The following CFAP61 variants were observed in gnomAD, a reference collection of about 807,000 sequenced individuals.
CFAP61 encodes the protein cilia and flagella associated protein 61, also known as cilia- and flagella-associated protein 61.
In CFAP61, 107 loss-of-function variants were observed where a neutral mutation model predicts 135.6. That is an observed-to-expected ratio of 0.79 (90% CI 0.67 to 0.93). The LOEUF is 0.93. Ranked by LOEUF, CFAP61 falls within the 40% of genes least tolerant of loss-of-function variation. The pLI is 0.00. For missense variants in CFAP61, 1,507 were observed against 1,556.2 expected (o/e 0.97, Z 0.53); for synonymous variants, 575 against 578.5 (o/e 0.99, Z 0.09).
intron 6 of CFAP61, among the ~76,000 whole-genome samples, chr20:20,084,431 GCTGCTGCTGT>G (rs2046652869): frequency 9.3e-6 from 1 of 107,756 alleles, no homozygotes. Flanking sequence ...TGCTGCTGCT[GCTGCTGCTGT>G]CACTCCAGTC....
In CFAP61 at chr20:20,070,882, T is replaced by C. The variant is rs1243230808; in HGVS notation, c.172T>C (p.Cys58Arg). 1.9e-6 allele frequency: 3 copies of C among 1,613,808 alleles called. No individual in the cohort carries two copies. Among genetic ancestry groups the C allele is most frequent in the Non-Finnish European group, 2.5e-6 (3 of 1,179,910 alleles). Residue 58 changes from cysteine (C) to arginine (R), a missense_variant, in exon 3 of 27, where the codon TGC becomes CGC. Transcript: ENST00000245957. ...AAAGGCCAACCTTGCTGTTACCCTC[T>C]GCAATGACAAGGAGGAGATCATGGC... Reference protein sequence around the residue: ...LEKANLAVTLCNDKEEIMAQA... With the variant: ...LEKANLAVTLRNDKEEIMAQA...
intron 8 of CFAP61, among the ~76,000 whole-genome samples, chr20:20,123,971 G>GTTTTTTT (rs35528584): frequency 4.1e-4 from 27 of 65,258 alleles, no homozygotes; most frequent in Non-Finnish European, 5.1e-4. Context: ...ATATTCCTAA[G>GTTTTTTT]TTTTTTTTTT....
rs563106266 is a variant in CFAP61, at chr20:20,351,535, T to A, written c.3514-8675T>A. 4.7e-5 allele frequency among the ~76,000 whole-genome samples: 7 copies of A among 149,260 alleles called. No homozygotes were observed. The South Asian group carries it at 1.5e-3, about 32-fold the overall frequency. On this transcript the variant is annotated intron_variant, in intron 26 of 26. Transcript: ENST00000245957. The stretch of plus-strand genomic sequence containing the variant: ...AGGCGGAGATTGCAGTGAGCCGAGA[T>A]CATGCCACTGTACTCCAGTCTGAGC...
chr20:20,348,783 T>C (rs2058728983), intron 26 of CFAP61, among the ~76,000 whole-genome samples: 1 of 141,210 alleles, frequency 7.1e-6, no homozygotes, highest in African/African-American at 2.6e-5. Context: ...AATACATTCT[T>C]ATGGTAAAAA....
At chr20:20,091,318 G>T (rs1309744763) in intron 7 of CFAP61, among the ~76,000 whole-genome samples, 2 of 152,156 alleles carry the variant, frequency 1.3e-5, no homozygotes, top group East Asian at 3.9e-4. Context: ...GCGTTCTGCT[G>T]GCAGATGGAT....
intron 14 of CFAP61, among the ~76,000 whole-genome samples, chr20:20,190,078 C>T (rs2055813988): frequency 6.6e-6 from 1 of 152,246 alleles, no homozygotes; most frequent in African/African-American, 2.4e-5. Flanking sequence ...AGCCACCGTG[C>T]CCAGCATTGA....
chr20:20,355,904 G>C (rs2059113330), intron 26 of CFAP61, among the ~76,000 whole-genome samples: 1 of 146,734 alleles, frequency 6.8e-6, no homozygotes, highest in African/African-American at 2.6e-5. Context: ...TGTGAGGGGA[G>C]GTGGTCACAC....
At position 20,097,682 on chromosome 20, in the gene CFAP61, A is replaced by G. The variant is rs184658791; in HGVS notation, c.700-973A>G. Among the ~76,000 whole-genome samples, 25 of 152,324 alleles carry G rather than the reference A, an allele frequency of 1.6e-4. No individual in the cohort carries two copies. The East Asian group carries it at 4.6e-3, about 28-fold the overall frequency. ...TCATGGGGACGACTGCAAGAGCTTC[A>G]GAACCAGGCATTTCAGGGTGATGGG... On this transcript the variant is annotated intron_variant, in intron 7 of 26. Transcript: ENST00000245957.
intron 8 of CFAP61, among the ~76,000 whole-genome samples, chr20:20,106,719 A>G (rs368257684): frequency 6.6e-6 from 1 of 152,322 alleles, no homozygotes; most frequent in East Asian, 1.9e-4. Context: ...TGTAAAACAC[A>G]TCTCAGTACA....
At position 20,064,034 on chromosome 20, in the gene CFAP61, CG is replaced by C. The variant is rs201952659; in HGVS notation, c.144-6819del. On this transcript the variant is annotated intron_variant, in intron 2 of 26. Transcript: ENST00000245957. Reference sequence around the variant, plus strand: ...TTAAGGAAAGCCTAAATAGAGTAACCGCCCCCCACCCCGCCTTATCTGAGGG... The same window carrying C: ...TTAAGGAAAGCCTAAATAGAGTAACCCCCCCCACCCCGCCTTATCTGAGGG... Among the ~76,000 whole-genome samples, 105 of 122,564 alleles carry C rather than the reference CG, an allele frequency of 8.6e-4. 2 individuals are homozygous for C. Among genetic ancestry groups the C allele is most frequent in the African/African-American group, 2.7e-3 (92 of 34,120 alleles). The allele number at this position is 122,564 out of a possible 152,430, so 80.4% of individuals were successfully genotyped here.
rs527582984 is a variant in CFAP61 at position 20,153,391 on chromosome 20, C to T, written c.952-5979C>T. ...AAGATCAGAACAGGACTAAATGAAA[C>T]GGTAACAAAAAAATTCAAAAGATAA... On this transcript the variant is annotated intron_variant, in intron 9 of 26. Coordinates refer to ENST00000245957, the MANE Select transcript of CFAP61 (RefSeq NM_015585.4). 3.6e-4 allele frequency among the ~76,000 whole-genome samples: 54 copies of T among 151,708 alleles called. No individual in the cohort carries two copies. The South Asian group carries it at 0.011, about 32-fold the overall frequency.
At chr20:20,335,497 G>A (rs971868574) in intron 25 of CFAP61, among the ~76,000 whole-genome samples, 1 of 152,188 alleles carries the variant, frequency 6.6e-6, no homozygotes, top group African/African-American at 2.4e-5. Context: ...AGATATAAAT[G>A]GAAGTGCTTT....
At chr20:20,065,997 AAAAC>A (rs1240811473) in intron 2 of CFAP61, among the ~76,000 whole-genome samples, 1 of 152,188 alleles carries the variant, frequency 6.6e-6, no homozygotes, top group East Asian at 1.9e-4. Flanking sequence ...TACAAGAAAA[AAAAC>A]AACCCCATCA....
At chr20:20,231,661 T>C (rs137929057) in intron 18 of CFAP61, among the ~76,000 whole-genome samples, 27 of 152,296 alleles carry the variant, frequency 1.8e-4, no homozygotes, top group Middle Eastern at 3.4e-3. Flanking sequence ...CCCAGCCTTC[T>C]TTCCTGTCAC....
chr20:20,112,159 AT>A (rs2048844969), intron 8 of CFAP61, among the ~76,000 whole-genome samples: 1 of 152,146 alleles, frequency 6.6e-6, no homozygotes, highest in African/African-American at 2.4e-5. Context: ...AAATAGCAAA[AT>A]TGATGAGGAA....
intron 18 of CFAP61, among the ~76,000 whole-genome samples, chr20:20,244,808 T>C (rs1210532689): frequency 2.0e-5 from 3 of 152,250 alleles, no homozygotes; most frequent in Non-Finnish European, 4.4e-5. Context: ...TCTGCTTCCC[T>C]TATAAAACTG....
chr20:20,292,480 T>C (rs961817718), intron 24 of CFAP61, among the ~76,000 whole-genome samples: 1 of 152,192 alleles, frequency 6.6e-6, no homozygotes. Context: ...AAACAGCCAT[T>C]TGATCCTGCT....
intron 13 of CFAP61, among the ~76,000 whole-genome samples, chr20:20,184,824 A>G (rs1455470429): frequency 6.6e-6 from 1 of 152,140 alleles, no homozygotes; most frequent in African/African-American, 2.4e-5. Context: ...CTGATGAAGT[A>G]GGACCTTCTG....
At chr20:20,246,027 A>C (rs1243233909) in intron 18 of CFAP61, 90 bp from the exon 19 acceptor site, 1 of 770,246 alleles carries the variant, frequency 1.3e-6, no homozygotes, top group Non-Finnish European at 2.2e-6. Flanking sequence ...CAGTTGGATG[A>C]CACGTGATAT....
Sources: allele counts gnomAD v4.1 joint callset (sites outside exome capture counted in the v4.1 genomes callset), GRCh38; gene constraint gnomAD v4.1.1; transcripts MANE v1.5; gene names NCBI Gene and HGNC (gene_info 2026-07-23, HGNC 2026-07-21).